Variants in OPHN1 observed in about 807,000 individuals in gnomAD.
The protein encoded by OPHN1 is oligophrenin-1.
OPHN1 carries 11 observed loss-of-function variants against 60.7 expected under a neutral mutation model. That is an observed-to-expected ratio of 0.18 (90% CI 0.11 to 0.30). The LOEUF (loss-of-function observed/expected upper bound fraction) is 0.30, where lower values mean the gene tolerates loss of function less well. OPHN1 is among the 10% of genes least tolerant of loss of function. The pLI is 1.00. For missense variants in OPHN1, 449 were observed against 611.0 expected, an observed-to-expected ratio of 0.73 and a Z score of 2.80; for synonymous variants, 226 against 222.6, an observed-to-expected ratio of 1.02 and a Z score of -0.14.
At chrX:68,120,729 C>T (rs1013310977) in intron 15 of OPHN1, among the ~76,000 whole-genome samples, 2 of 112,260 alleles carry the variant, frequency 1.8e-5, no homozygotes, top group African/African-American at 6.5e-5. Context: ...CATTCTCTGA[C>T]TTCAAAATAT....
In OPHN1 at chrX:68,267,343, G is replaced by C. The variant is rs776074657; in HGVS notation, c.384+7395C>G. ...AACAAACTATCTCTCAGACCACAGT[G>C]CAATCAAACTAGAACTCAGGATTAA... On this transcript the variant is annotated intron_variant, in intron 5 of 24. Transcript: ENST00000355520. Among the ~76,000 whole-genome samples the C allele has an allele frequency of 3.1e-4, 35 of 112,025 alleles. No homozygotes were observed. In the South Asian group the frequency reaches 0.013, roughly 40 times the overall value.
intron 3 of OPHN1, among the ~76,000 whole-genome samples, chrX:68,297,363 A>T (rs1352621203): frequency 9.0e-6 from 1 of 111,551 alleles, no homozygotes; most frequent in Non-Finnish European, 1.9e-5. Context: ...TAGAGTTCAA[A>T]CTTGGGTTAC....
intron 2 of OPHN1, among the ~76,000 whole-genome samples, chrX:68,325,586 G>GA (rs1569280765): frequency 1.1e-4 from 7 of 66,018 alleles, no homozygotes; most frequent in African/African-American, 4.7e-4. Context: ...TTAAACTTTT[G>GA]GATAAAGACC....
At chrX:68,221,708 G>C (rs1326237097) in intron 6 of OPHN1, among the ~76,000 whole-genome samples, 1 of 96,494 alleles carries the variant, frequency 1.0e-5, no homozygotes, top group Non-Finnish European at 2.1e-5. Flanking sequence ...ATGGTGCTGG[G>C]AAAACTGGCT....
intron 2 of OPHN1, among the ~76,000 whole-genome samples, chrX:68,424,428 T>C (rs1316123798): frequency 9.0e-6 from 1 of 110,824 alleles, no homozygotes; most frequent in Non-Finnish European, 1.9e-5. Context: ...GGTTTAGCAC[T>C]TGATACAAGC....
intron 19 of OPHN1, among the ~76,000 whole-genome samples, chrX:68,091,528 C>A (rs1448493826): frequency 9.0e-6 from 1 of 111,206 alleles, no homozygotes; most frequent in Non-Finnish European, 1.9e-5. Context: ...GAAATGCAAA[C>A]CTGTTACCAC....
At chrX:68,385,740 T>C (rs1283110394) in intron 2 of OPHN1, among the ~76,000 whole-genome samples, 2 of 112,432 alleles carry the variant, frequency 1.8e-5, no homozygotes, top group Admixed American at 9.5e-5. Flanking sequence ...GGAGGAACTT[T>C]ATTAACTATA....
At chrX:68,161,080 C>A (rs761335207) in intron 15 of OPHN1, among the ~76,000 whole-genome samples, 39 of 110,376 alleles carry the variant, frequency 3.5e-4, no homozygotes, top group Non-Finnish European at 6.7e-4. Context: ...TTACTACCAA[C>A]CTTACAGAAG....
intron 3 of OPHN1, among the ~76,000 whole-genome samples, chrX:68,296,681 CT>C (rs1288208063): frequency 5.7e-5 from 6 of 104,831 alleles, no homozygotes; most frequent in African/African-American, 2.1e-4. Flanking sequence ...AAGCAAAAGA[CT>C]GGGTGTGGTA....
At chrX:68,405,256 T>A (rs2078736334) in intron 2 of OPHN1, among the ~76,000 whole-genome samples, 1 of 112,028 alleles carries the variant, frequency 8.9e-6, no homozygotes, top group South Asian at 3.7e-4. Flanking sequence ...CAGGCTGGAA[T>A]GAAGTGGTGT....
chrX:68,236,184 C>T, intron 5 of OPHN1, among the ~76,000 whole-genome samples: 1 of 110,994 alleles, frequency 9.0e-6, no homozygotes, highest in Non-Finnish European at 1.9e-5. Context: ...AGTTCCATAG[C>T]CCAACCCTAA....
intron 2 of OPHN1, among the ~76,000 whole-genome samples, chrX:68,365,131 T>C (rs2078491483): frequency 9.0e-6 from 1 of 111,410 alleles, no homozygotes; most frequent in Non-Finnish European, 1.9e-5. Context: ...TAGACGCTAA[T>C]AGAGGAGAAA....
intron 2 of OPHN1, among the ~76,000 whole-genome samples, chrX:68,303,280 C>A (rs2078129667): frequency 8.9e-6 from 1 of 112,065 alleles, no homozygotes; most frequent in African/African-American, 3.2e-5. Context: ...ATATCTGCAT[C>A]ATTTTTATTG....
chrX:68,285,456 A>AT lies in OPHN1; in HGVS notation c.251-2340dup, dbSNP rs1419040144. Among the ~76,000 whole-genome samples the AT allele has an allele frequency of 3.6e-5, 4 of 110,086 alleles. No homozygotes were observed. The East Asian group carries it at 8.6e-4, about 24-fold the overall frequency. On this transcript the variant is annotated intron_variant, in intron 3 of 24. Coordinates refer to ENST00000355520, the MANE Select transcript of OPHN1 (RefSeq NM_002547.3). ...ATTTCTCTTCTTTCATTTTTCTCTT[A>AT]TTTTTTACAAGATTATCTCTGTTAT...
chrX:68,166,305 G>A (rs1317137184), intron 15 of OPHN1, among the ~76,000 whole-genome samples: 2 of 111,333 alleles, frequency 1.8e-5, no homozygotes, highest in Admixed American at 9.6e-5. Flanking sequence ...AGGCTGAGGC[G>A]GGTGGATAAC....
intron 2 of OPHN1, among the ~76,000 whole-genome samples, chrX:68,304,466 G>T (rs2078136020): frequency 9.1e-6 from 1 of 109,825 alleles, no homozygotes. Context: ...TTCAAGAAGG[G>T]TCTGTTCAAA....
intron 15 of OPHN1, among the ~76,000 whole-genome samples, chrX:68,162,779 T>C (rs2077340502): frequency 9.0e-6 from 1 of 111,207 alleles, no homozygotes; most frequent in Non-Finnish European, 1.9e-5. Context: ...TGTTACTTAA[T>C]CAAGTGAAAA....
chrX:68,229,978 C>A (rs1466197896), intron 6 of OPHN1, among the ~76,000 whole-genome samples: 1 of 111,906 alleles, frequency 8.9e-6, no homozygotes, highest in Non-Finnish European at 1.9e-5. Context: ...GCACAGGCAA[C>A]CTACAGAATG....
intron 19 of OPHN1, among the ~76,000 whole-genome samples, chrX:68,078,516 T>C (rs753319291): frequency 8.9e-6 from 1 of 111,793 alleles, no homozygotes; most frequent in African/African-American, 3.3e-5. Flanking sequence ...TCCAACAATC[T>C]CTTCCGATTG....
Sources: gnomAD v4.1 joint callset for allele counts (sites outside exome capture counted in the v4.1 genomes callset) on GRCh38, gnomAD v4.1.1 for gene constraint, MANE v1.5 for transcripts, NCBI Gene and HGNC (gene_info 2026-07-23, HGNC 2026-07-21) for gene names.